Variants in DYRK1B observed in about 807,000 individuals in gnomAD.
DYRK1B encodes dual specificity tyrosine-phosphorylation-regulated kinase 1B.
In DYRK1B, 20 loss-of-function variants were observed where a neutral mutation model predicts 57.1. The observed-to-expected ratio is 0.35, with a 90% CI of 0.25 to 0.51. DYRK1B has a LOEUF of 0.51. Among genes scored for constraint, DYRK1B ranks in the 20% least tolerant of loss-of-function variants. The pLI is 0.96. For synonymous variants in DYRK1B, 409 were observed against 384.7 expected, an observed-to-expected ratio of 1.06 and a Z score of -0.74; for missense variants, 732 against 886.3, an observed-to-expected ratio of 0.83 and a Z score of 2.21.
Position 39,833,375 on chromosome 19 carries a change from C to A in DYRK1B, c.-102+648G>T, listed in dbSNP as rs1264121950. ...GCGGTGGCGGCGCTGAAAAGGCGAC[C>A]GCCTGTCTCTGGCCCGGCCGGCCCC... On this transcript the variant is annotated intron_variant, in intron 1 of 10. Coordinates refer to ENST00000323039, the MANE Select transcript of DYRK1B (RefSeq NM_004714.3). 1.7e-5 allele frequency: 17 copies of A among 984,728 alleles called. No homozygotes were observed. The East Asian group carries it at 5.7e-4, about 33-fold the overall frequency. 61.0% of individuals were successfully genotyped at this position (984,728 alleles called of 1,614,324 possible). A position where few individuals can be genotyped will look rare whatever the true frequency, so the allele number is the denominator to read the frequency against.
chr19:39,834,136 T>C lies in DYRK1B; in HGVS notation c.-215A>G. 1 of 220,604 alleles carries C rather than the reference T, an allele frequency of 4.5e-6. No individual in the cohort carries two copies. The highest frequency in any genetic ancestry group is 5.4e-5 in the Admixed American group (1 of 18,554). 13.7% of individuals were successfully genotyped at this position (220,604 alleles called of 1,614,324 possible). On this transcript the variant is annotated 5_prime_UTR_variant, in exon 1 of 11. Transcript: ENST00000323039. ...AGCCAGGGCCCCGATTACCCAGTAA[T>C]GCAACCAGCAAAATGGCGACCACAA...
Position 39,831,871 on chromosome 19 carries a change from G to C in DYRK1B, c.-4C>G, listed in dbSNP as rs528395859. ...CATGGCCCGGTGGGACGGCCATGGT[G>C]GGCTCAGAGGGCCGCAGGGGAGCGA... is the stretch of plus-strand genomic sequence containing the variant. On this transcript the variant is annotated 5_prime_UTR_variant, in exon 2 of 11. Coordinates refer to ENST00000323039, the MANE Select transcript of DYRK1B (RefSeq NM_004714.3). 1 of 1,494,382 alleles carries C rather than the reference G, an allele frequency of 6.7e-7. No homozygotes were observed. The highest frequency in any genetic ancestry group is 1.4e-5 in the African/African-American group (1 of 70,352). The allele number at this position is 1,494,382 out of a possible 1,614,324, so 92.6% of individuals were successfully genotyped here. A position where few individuals can be genotyped will look rare whatever the true frequency, so the allele number is the denominator to read the frequency against.
At chr19:39,827,233 TGTGA>T in intron 8 of DYRK1B, 48 bp downstream of exon 8, 1 of 1,549,362 alleles carries the variant, frequency 6.5e-7, no homozygotes, top group South Asian at 1.2e-5. Context: ...GAGCCCCAAG[TGTGA>T]GTGAGGGGCC....
At position 39,829,917 on chromosome 19, in the gene DYRK1B, C is replaced by G. The variant is rs1308584990; in HGVS notation, c.483G>C (p.Leu161=). Residue 161 remains leucine (L), a synonymous_variant, in exon 5 of 11, where the codon CTG becomes CTC. Transcript: ENST00000323039. The part of the protein sequence containing the change: ...QAQIELRLLE[L]MNQHDTEMKY... Reference sequence around the variant, plus strand: ...TCATCTCCGTGTCATGCTGGTTCATCAGCTCCAGCAGCCGCAGCTCAATCT... The same window carrying G: ...TCATCTCCGTGTCATGCTGGTTCATGAGCTCCAGCAGCCGCAGCTCAATCT... 2 of 1,614,046 alleles carry G rather than the reference C, an allele frequency of 1.2e-6. No individual in the cohort carries two copies. The highest frequency in any genetic ancestry group is 1.7e-6 in the Non-Finnish European group (2 of 1,180,040).
At chr19:39,827,152 G>A (rs1374342376) in intron 8 of DYRK1B, 133 bp downstream of exon 8, 1 of 1,274,198 alleles carries the variant, frequency 7.8e-7, no homozygotes, top group Admixed American at 2.7e-5. Flanking sequence ...GTGGGCAGGG[G>A]AGGAAGGAAA....
intron 5 of DYRK1B, among the ~76,000 whole-genome samples, chr19:39,829,449 G>A (rs910007662): frequency 5.3e-5 from 8 of 152,122 alleles, no homozygotes; most frequent in South Asian, 2.1e-4. Flanking sequence ...GGATGGTCTC[G>A]ATCTCTTGAT....
rs776327410 is a variant in DYRK1B at position 39,830,358 on chromosome 19, TG to T, written c.372+16del. On this transcript the variant is annotated intron_variant, in intron 4 of 10. Transcript: ENST00000323039. ...TTAGTGGGGCCTTGGATCAGGGTGG[TG>T]GGGGGTGTCCCACACCTGGCCAAAG... The T allele has an allele frequency of 5.6e-6, 9 of 1,613,682 alleles. No homozygotes were observed. Among genetic ancestry groups the T allele is most frequent in the Non-Finnish European group, 6.8e-6 (8 of 1,179,944 alleles).
chr19:39,826,087 C>T lies in DYRK1B; in HGVS notation c.1519-1G>A, dbSNP rs1461642306. 1 of 1,526,434 alleles carries T rather than the reference C, an allele frequency of 6.6e-7. No homozygotes were observed. The highest frequency in any genetic ancestry group is 8.8e-7 in the Non-Finnish European group (1 of 1,141,100). 94.6% of individuals were successfully genotyped at this position (1,526,434 alleles called of 1,614,324 possible). On this transcript the variant is annotated splice_acceptor_variant, in intron 10 of 10. Transcript: ENST00000323039. LOFTEE classifies it high-confidence loss of function. The surrounding 1 kb of genome is among the most constrained non-coding windows in gnomAD (Gnocchi z 6.3). ...GCCGCAGCGGCTGGGAGGGTGGGAC[C>T]TAAAAAAGCAAAGGAGCCATGGGTG...
Position 39,826,704 on chromosome 19 carries a change from G to T in DYRK1B, c.1379C>A (p.Ser460Tyr). 1 of 1,606,228 alleles carries T rather than the reference G, an allele frequency of 6.2e-7. No homozygotes were observed. Residue 460 changes from serine (S) to tyrosine (Y), a missense_variant, in exon 9 of 11, where the codon TCT (serine) becomes TAT (tyrosine). Transcript: ENST00000323039. The surrounding 1 kb of genome is among the most constrained non-coding windows in gnomAD (Gnocchi z 6.3). Reference protein sequence around the residue: ...TSPAPLDTCPSSSTASSISSS... With the variant: ...TSPAPLDTCPYSSTASSISSS... ...GGAGATGGAGCTGGCGGTGCTGGAA[G>T]AGGGGCAGGTGTCGAGGGGCGCGGG...
chr19:39,826,221 G>A lies in DYRK1B; in HGVS notation c.1477C>T (p.Pro493Ser), dbSNP rs983308321. The A allele has an allele frequency of 6.3e-7, 1 of 1,596,562 alleles. No homozygotes were observed. The part of the protein sequence containing the change: ...YRYSNRYCGG[P>S]GPPITDCEMN... ...TCACAGTCTGTGATAGGGGGCCCAGGGCCCCCACAATATCGGTTGCTGTAG... is the reference window on the plus strand; with the variant it reads ...TCACAGTCTGTGATAGGGGGCCCAGAGCCCCCACAATATCGGTTGCTGTAG... Residue 493 changes from proline to serine, a missense_variant, in exon 10 of 11, where the codon CCT (proline) becomes TCT (serine). Pro to Ser is a moderately conservative substitution (Grantham distance 74, BLOSUM62 -1). Transcript: ENST00000323039. The surrounding 1 kb of genome is among the most constrained non-coding windows in gnomAD (Gnocchi z 6.3).
At chr19:39,827,101 TAAG>T (rs1164999654) in intron 8 of DYRK1B, 114 bp from the exon 9 acceptor site, 7 of 1,150,240 alleles carry the variant, frequency 6.1e-6, no homozygotes, top group African/African-American at 3.3e-5. Context: ...AAAGAAAAGC[TAAG>T]AAGAGTTGTG....
Position 39,829,778 on chromosome 19 carries a change from A to G in DYRK1B, c.520+102T>C, listed in dbSNP as rs186025263. ...ACAGACCAAACCCTGCTCTGAAGACATCAGCCTCCTCCTGAGAGTAGGGCG... is the reference window on the plus strand; with the variant it reads ...ACAGACCAAACCCTGCTCTGAAGACGTCAGCCTCCTCCTGAGAGTAGGGCG... On this transcript the variant is annotated intron_variant, in intron 5 of 10. Coordinates refer to ENST00000323039, the MANE Select transcript of DYRK1B (RefSeq NM_004714.3). 1.2e-3 allele frequency: 1,678 copies of G among 1,359,342 alleles called. 28 individuals are homozygous for G. The East Asian group carries it at 0.037, about 30-fold the overall frequency. 84.2% of individuals were successfully genotyped at this position (1,359,342 alleles called of 1,614,324 possible).
rs779835309 is a variant in DYRK1B, at chr19:39,825,974, G to A, written c.1631C>T (p.Pro544Leu). The A allele has an allele frequency of 2.1e-5, 32 of 1,525,736 alleles. 1 individual carries two copies. Among genetic ancestry groups the A allele is most frequent in the Admixed American group, 4.4e-5 (2 of 45,888 alleles). 94.5% of individuals were successfully genotyped at this position (1,525,736 alleles called of 1,614,324 possible). Reference protein sequence around the residue: ...SLPGTGAQLPPQPRYLGRPPS... With the variant: ...SLPGTGAQLPLQPRYLGRPPS... Reference sequence around the variant, plus strand: ...GGGACGACCAAGGTATCGGGGCTGGGGGGGTAACTGGGCCCCGGTCCCAGG... The same window carrying A: ...GGGACGACCAAGGTATCGGGGCTGGAGGGGTAACTGGGCCCCGGTCCCAGG... The change falls in exon 11 of 11, where the codon CCC (proline) becomes CTC (leucine). Residue 544 changes from proline to leucine, a missense_variant. Pro to Leu is a moderately conservative substitution (Grantham distance 98, BLOSUM62 -3). This residue lies in a region of DYRK1B where 222 missense variants were observed against 205.0 expected (regional missense o/e 1.08). Coordinates refer to ENST00000323039, the MANE Select transcript of DYRK1B (RefSeq NM_004714.3).
At chr19:39,829,716 A>G in intron 5 of DYRK1B, 164 bp downstream of exon 5, 2 of 791,854 alleles carry the variant, frequency 2.5e-6, no homozygotes, top group Non-Finnish European at 1.9e-6. Flanking sequence ...GACAAAAATC[A>G]TAAAAGCAGC....
At chr19:39,832,010 G>T in intron 1 of DYRK1B, 42 bp from the exon 2 acceptor site, 1 of 1,406,302 alleles carries the variant, frequency 7.1e-7, no homozygotes, top group Non-Finnish European at 9.2e-7. Flanking sequence ...TGGAACAAGG[G>T]GATATGTGAA....
Position 39,831,883 on chromosome 19 carries a change from C to T in DYRK1B, c.-16G>A, listed in dbSNP as rs1224978237. 2.0e-6 allele frequency: 3 copies of T among 1,475,166 alleles called. No individual in the cohort carries two copies. Among genetic ancestry groups the T allele is most frequent in the Non-Finnish European group, 1.8e-6 (2 of 1,109,974 alleles). 91.4% of individuals were successfully genotyped at this position (1,475,166 alleles called of 1,614,324 possible). ...GGACGGCCATGGTGGGCTCAGAGGG[C>T]CGCAGGGGAGCGAGGCCTGGAGCGG... is the stretch of plus-strand genomic sequence containing the variant. On this transcript the variant is annotated 5_prime_UTR_variant, in exon 2 of 11. Transcript: ENST00000323039.
Position 39,826,216 on chromosome 19 carries a change from C to A in DYRK1B, c.1482G>T (p.Gly494=). The change falls in exon 10 of 11, where the codon GGG becomes GGT. Residue 494 remains glycine (G), a synonymous_variant. Transcript: ENST00000323039. This position sits in a 1 kb window ranked among gnomAD's most constrained non-coding sequence, Gnocchi z 6.3. ...RYSNRYCGGP[G]PPITDCEMNS... ...TCATCTCACAGTCTGTGATAGGGGG[C>A]CCAGGGCCCCCACAATATCGGTTGC... 1.3e-6 allele frequency: 2 copies of A among 1,595,520 alleles called. No individual in the cohort carries two copies. The highest frequency in any genetic ancestry group is 1.7e-6 in the Non-Finnish European group (2 of 1,173,666).
rs1270261264 is a variant in DYRK1B at position 39,826,311 on chromosome 19, G to A, written c.1412-25C>T. Reference sequence around the variant, plus strand: ...CCTGGAAGTGCCAGGGAGGAGAGGTGAAGGGGCATAAGGTGAGAGAAGGTG... The same window carrying A: ...CCTGGAAGTGCCAGGGAGGAGAGGTAAAGGGGCATAAGGTGAGAGAAGGTG... On this transcript the variant is annotated intron_variant, in intron 9 of 10. Transcript: ENST00000323039. The surrounding 1 kb of genome is among the most constrained non-coding windows in gnomAD (Gnocchi z 6.3). 1.9e-6 allele frequency: 3 copies of A among 1,539,612 alleles called. No homozygotes were observed. The highest frequency in any genetic ancestry group is 1.2e-5 in the South Asian group (1 of 80,058).
At chr19:39,831,395 A>AT (rs1383618055) in intron 2 of DYRK1B, among the ~76,000 whole-genome samples, 3 of 149,992 alleles carry the variant, frequency 2.0e-5, no homozygotes, top group African/African-American at 7.5e-5. Flanking sequence ...CTCCAAATTC[A>AT]CCCAATCCAG....
Sources: gnomAD v4.1 joint callset for allele counts (sites outside exome capture counted in the v4.1 genomes callset) on GRCh38, gnomAD v4.1.1 for gene constraint, gnomAD v4.1.1 regional missense constraint, Gnocchi (gnomAD v3.1) non-coding constraint, MANE v1.5 for transcripts, NCBI Gene and HGNC (gene_info 2026-07-23, HGNC 2026-07-21) for gene names.